The following KCNN2 variants were observed in gnomAD, a reference collection of about 807,000 sequenced individuals.
KCNN2 encodes the protein small conductance calcium-activated potassium channel protein 2.
KCNN2 carries 24 observed loss-of-function variants against 55.5 expected under a neutral mutation model. That is an observed-to-expected ratio of 0.43 (90% confidence interval 0.31 to 0.61). The LOEUF is 0.61. Among genes scored for constraint, KCNN2 ranks in the 20% least tolerant of loss-of-function variants. KCNN2 has a pLI of 0.08. For synonymous variants in KCNN2, 431 were observed against 336.1 expected, an observed-to-expected ratio of 1.28 and a Z score of -3.09; for missense variants, 754 against 853.6, an observed-to-expected ratio of 0.88 and a Z score of 1.45.
intron 3 of KCNN2, among the ~76,000 whole-genome samples, chr5:114,446,734 T>G (rs1181159480): frequency 6.6e-6 from 1 of 152,170 alleles, no homozygotes; most frequent in Non-Finnish European, 1.5e-5. Context: ...TTTCTGAGAT[T>G]ACAGGCATGA....
At chr5:114,093,259 C>T (rs1751186748) in intron 1 of KCNN2, among the ~76,000 whole-genome samples, 1 of 152,132 alleles carries the variant, frequency 6.6e-6, no homozygotes, top group Non-Finnish European at 1.5e-5. Flanking sequence ...GATTCAGTTC[C>T]CAATGAGTTC....
intron 2 of KCNN2, among the ~76,000 whole-genome samples, chr5:114,249,173 T>A (rs1345274218): frequency 6.6e-6 from 1 of 151,624 alleles, no homozygotes; most frequent in African/African-American, 2.4e-5. Context: ...CAATGGAGAT[T>A]AACATTTCTT....
chr5:114,339,845 A>ATAAG (rs1561577110), intron 2 of KCNN2, among the ~76,000 whole-genome samples: 2 of 152,060 alleles, frequency 1.3e-5, no homozygotes, highest in East Asian at 1.9e-4. Context: ...AAATAAATAA[A>ATAAG]TAAAAATGCA....
At chr5:114,238,313 C>G (rs1754548121) in intron 2 of KCNN2, among the ~76,000 whole-genome samples, 1 of 151,868 alleles carries the variant, frequency 6.6e-6, no homozygotes, top group Non-Finnish European at 1.5e-5. Flanking sequence ...TTTTTTTAGA[C>G]TTAAAGGATA....
At chr5:114,298,667 C>A (rs985169020) in intron 2 of KCNN2, among the ~76,000 whole-genome samples, 3 of 152,064 alleles carry the variant, frequency 2.0e-5, no homozygotes, top group Non-Finnish European at 4.4e-5. Context: ...CCAAAATATA[C>A]CCAGATGTTG....
intron 3 of KCNN2, among the ~76,000 whole-genome samples, chr5:114,417,809 G>A (rs914337552): frequency 6.6e-6 from 1 of 152,188 alleles, no homozygotes; most frequent in Middle Eastern, 3.2e-3. Context: ...TCTATACCAT[G>A]TAAAAATGGG....
chr5:114,371,400 T>C (rs1317090987), intron 2 of KCNN2, among the ~76,000 whole-genome samples: 1 of 151,812 alleles, frequency 6.6e-6, no homozygotes, highest in Non-Finnish European at 1.5e-5. Context: ...AGAGGTTGAG[T>C]AAAGTAAGAA....
chr5:114,293,150 G>C (rs1343629935), intron 2 of KCNN2, among the ~76,000 whole-genome samples: 1 of 152,200 alleles, frequency 6.6e-6, no homozygotes, highest in Non-Finnish European at 1.5e-5. Flanking sequence ...GGGACAATTT[G>C]ACTTCCTCTT....
intron 3 of KCNN2, among the ~76,000 whole-genome samples, chr5:114,443,858 A>C (rs949477320): frequency 6.6e-6 from 1 of 152,152 alleles, no homozygotes; most frequent in African/African-American, 2.4e-5. Flanking sequence ...CTCTGCTCCT[A>C]ATTTGTCATG....
chr5:114,408,986 G>T (rs1034375582), intron 3 of KCNN2, among the ~76,000 whole-genome samples: 2 of 152,170 alleles, frequency 1.3e-5, no homozygotes. Flanking sequence ...TGTGTAGCCA[G>T]CAGGTACATA....
At chr5:114,259,833 T>G (rs1374810822) in intron 2 of KCNN2, among the ~76,000 whole-genome samples, 1 of 152,122 alleles carries the variant, frequency 6.6e-6, no homozygotes, top group South Asian at 2.1e-4. Flanking sequence ...CCTGAGGTCT[T>G]CACTAGGTTC....
chr5:114,314,310 T>C (rs1244990208), intron 2 of KCNN2, among the ~76,000 whole-genome samples: 1 of 152,120 alleles, frequency 6.6e-6, no homozygotes, highest in Non-Finnish European at 1.5e-5. Flanking sequence ...ATTGATGAAC[T>C]GATATTGATG....
intron 1 of KCNN2, among the ~76,000 whole-genome samples, chr5:114,060,705 A>G (rs1294098181): frequency 6.6e-6 from 1 of 152,208 alleles, no homozygotes; most frequent in South Asian, 2.1e-4. Flanking sequence ...ATTTATCTGT[A>G]AAATGTGGAT....
intron 1 of KCNN2, among the ~76,000 whole-genome samples, chr5:114,192,344 G>A (rs191282959): frequency 1.3e-5 from 2 of 152,238 alleles, no homozygotes; most frequent in African/African-American, 2.4e-5. Flanking sequence ...GTGACTTAGA[G>A]TTTGCTAGTA....
intron 3 of KCNN2, among the ~76,000 whole-genome samples, chr5:114,412,436 G>A (rs1158034846): frequency 1.0e-5 from 1 of 96,946 alleles, no homozygotes; most frequent in East Asian, 2.1e-4. Context: ...GATCAACTCT[G>A]TATCTTAAAT....
intron 2 of KCNN2, among the ~76,000 whole-genome samples, chr5:114,293,754 T>C (rs1755946666): frequency 6.6e-6 from 1 of 152,178 alleles, no homozygotes; most frequent in African/African-American, 2.4e-5. Flanking sequence ...TTGGGAGAGT[T>C]TCAGAAGGAA....
At chr5:114,240,040 A>G (rs1424782100) in intron 2 of KCNN2, among the ~76,000 whole-genome samples, 1 of 152,184 alleles carries the variant, frequency 6.6e-6, no homozygotes, top group East Asian at 1.9e-4. Flanking sequence ...AACCGCCATA[A>G]GTTTAACATG....
At chr5:114,474,208 C>A (rs967432255) in intron 5 of KCNN2, among the ~76,000 whole-genome samples, 1 of 152,100 alleles carries the variant, frequency 6.6e-6, no homozygotes, top group Non-Finnish European at 1.5e-5. Flanking sequence ...TTGGTTGATA[C>A]TTCCTAACAG....
At chr5:114,440,020 A>AAC (rs1760149598) in intron 3 of KCNN2, among the ~76,000 whole-genome samples, 1 of 152,170 alleles carries the variant, frequency 6.6e-6, no homozygotes, top group African/African-American at 2.4e-5. Context: ...ACTCAGGTTC[A>AAC]GCTGGGTTTT....
Sources: gnomAD v4.1 joint callset for allele counts (sites outside exome capture counted in the v4.1 genomes callset) on GRCh38, gnomAD v4.1.1 for gene constraint, MANE v1.5 for transcripts, NCBI Gene and HGNC (gene_info 2026-07-23, HGNC 2026-07-21) for gene names.